TMEM178B: variants seen among roughly 807,000 people sequenced by gnomAD.
TMEM178B encodes the protein transmembrane protein 178B.
A neutral mutation model predicts 31.0 loss-of-function variants in TMEM178B; 5 were observed. That is an observed-to-expected ratio of 0.16 (90% CI 0.08 to 0.34). The LOEUF (loss-of-function observed/expected upper bound fraction) is 0.34. TMEM178B is among the 10% of genes least tolerant of loss of function. TMEM178B has a pLI of 1.00. For missense variants in TMEM178B, 275 were observed against 400.3 expected (o/e 0.69, Z 2.67); for synonymous variants, 164 against 164.0 (o/e 1.00, Z 0.00).
At chr7:141,082,984 T>G (rs957375963) in intron 1 of TMEM178B, among the ~76,000 whole-genome samples, 1 of 152,218 alleles carries the variant, frequency 6.6e-6, no homozygotes, top group Non-Finnish European at 1.5e-5. Context: ...TGTATTCCAC[T>G]TTGGATTGTC....
At chr7:141,254,542 A>T (rs1797893803) in intron 2 of TMEM178B, among the ~76,000 whole-genome samples, 1 of 151,968 alleles carries the variant, frequency 6.6e-6, no homozygotes, top group Non-Finnish European at 1.5e-5. Flanking sequence ...ACATGGTGAC[A>T]CCCCATCTCT....
intron 1 of TMEM178B, among the ~76,000 whole-genome samples, chr7:141,193,843 T>C (rs534169441): frequency 5.1e-4 from 77 of 152,326 alleles, no homozygotes; most frequent in African/African-American, 1.8e-3. Flanking sequence ...CTCAAAGTAC[T>C]TCTGTTTCCT....
At chr7:141,293,287 T>A (rs1246769672) in intron 2 of TMEM178B, among the ~76,000 whole-genome samples, 2 of 152,190 alleles carry the variant, frequency 1.3e-5, no homozygotes, top group East Asian at 3.9e-4. Context: ...GACCTGAGCA[T>A]CTTCCAGGTA....
intron 1 of TMEM178B, among the ~76,000 whole-genome samples, chr7:141,085,423 G>A (rs1294585314): frequency 6.6e-6 from 1 of 152,130 alleles, no homozygotes; most frequent in Non-Finnish European, 1.5e-5. Flanking sequence ...AAGTTTGACA[G>A]ATTTGCTGCT....
At chr7:141,345,029 A>G (rs1799594880) in intron 2 of TMEM178B, among the ~76,000 whole-genome samples, 1 of 152,242 alleles carries the variant, frequency 6.6e-6, no homozygotes, top group Admixed American at 6.5e-5. Context: ...ACTAGTCATA[A>G]TTAGCATGTC....
intron 3 of TMEM178B, among the ~76,000 whole-genome samples, chr7:141,464,203 G>A (rs1004129154): frequency 6.6e-6 from 1 of 152,156 alleles, no homozygotes; most frequent in Non-Finnish European, 1.5e-5. Context: ...ACCCCTTTCT[G>A]TTTACTGTCT....
chr7:141,301,190 G>A (rs1798718914), intron 2 of TMEM178B, among the ~76,000 whole-genome samples: 1 of 152,214 alleles, frequency 6.6e-6, no homozygotes, highest in African/African-American at 2.4e-5. Context: ...GTATTTGGAG[G>A]AAATTGGGAT....
intron 1 of TMEM178B, among the ~76,000 whole-genome samples, chr7:141,107,443 G>C (rs539302316): frequency 6.6e-6 from 1 of 152,194 alleles, no homozygotes; most frequent in Non-Finnish European, 1.5e-5. Flanking sequence ...ATGGTAGCAT[G>C]GGTCACAGTG....
chr7:141,155,217 A>G (rs951305083), intron 1 of TMEM178B, among the ~76,000 whole-genome samples: 1 of 152,136 alleles, frequency 6.6e-6, no homozygotes, highest in Non-Finnish European at 1.5e-5. Flanking sequence ...GAAGATTTAG[A>G]CAGAGAAGTA....
chr7:141,290,346 G>A (rs560210167), intron 2 of TMEM178B, among the ~76,000 whole-genome samples: 3 of 152,364 alleles, frequency 2.0e-5, no homozygotes, highest in African/African-American at 7.2e-5. Context: ...GGACAGAGAA[G>A]GAGGTGTGGC....
chr7:141,106,976 G>A (rs1795157888), intron 1 of TMEM178B, among the ~76,000 whole-genome samples: 1 of 152,196 alleles, frequency 6.6e-6, no homozygotes, highest in African/African-American at 2.4e-5. Context: ...TCAAGGTAAA[G>A]AACATGGGGA....
chr7:141,306,140 G>T (rs1055961336), intron 2 of TMEM178B, among the ~76,000 whole-genome samples: 1 of 152,128 alleles, frequency 6.6e-6, no homozygotes, highest in Non-Finnish European at 1.5e-5. Flanking sequence ...AGATTCCTTG[G>T]CTGCCGTTAA....
chr7:141,148,236 C>T (rs1249842041), intron 1 of TMEM178B, among the ~76,000 whole-genome samples: 2 of 152,180 alleles, frequency 1.3e-5, no homozygotes, highest in Non-Finnish European at 1.5e-5. Context: ...CTCTCTTTTA[C>T]AAGGACCTTT....
In TMEM178B at chr7:141,092,327, G is replaced by A. The variant is rs191524663; in HGVS notation, c.382+17635G>A. On this transcript the variant is annotated intron_variant, in intron 1 of 3. Coordinates refer to ENST00000565468, the MANE Select transcript of TMEM178B (RefSeq NM_001195278.2). ...GAAATAAAGTGATATAGATGGAAGT[G>A]GAGGGTAATGGAAACCTGCAGAAGA... Among the ~76,000 whole-genome samples the A allele has an allele frequency of 1.1e-4, 17 of 152,274 alleles. No homozygotes were observed. The East Asian group carries it at 3.3e-3, about 29-fold the overall frequency.
At chr7:141,500,341 G>C in the TMEM178B span, among the ~76,000 whole-genome samples, 1 of 152,178 alleles carries the variant, frequency 6.6e-6, no homozygotes, top group Non-Finnish European at 1.5e-5. Flanking sequence ...AATGGGAATG[G>C]ATGGGCAGGT....
At chr7:141,076,544 G>A (rs1794603174) in intron 1 of TMEM178B, among the ~76,000 whole-genome samples, 2 of 152,146 alleles carry the variant, frequency 1.3e-5, no homozygotes, top group Admixed American at 1.3e-4. Flanking sequence ...TCAGAGCTTT[G>A]ATTCCCTGTT....
At chr7:141,428,378 AAAAAAAG>A (rs1373508235) in intron 2 of TMEM178B, among the ~76,000 whole-genome samples, 5 of 141,782 alleles carry the variant, frequency 3.5e-5, no homozygotes, top group South Asian at 2.3e-4. Context: ...CAAAAAAAAA[AAAAAAAG>A]AAAAAAAGAA....
chr7:141,462,315 T>C (rs1188302380), intron 3 of TMEM178B, among the ~76,000 whole-genome samples: 1 of 152,200 alleles, frequency 6.6e-6, no homozygotes, highest in African/African-American at 2.4e-5. Context: ...TTTGGGCTTA[T>C]GGAGGTAGCA....
the TMEM178B span, among the ~76,000 whole-genome samples, chr7:141,490,963 G>T: frequency 6.6e-6 from 1 of 152,212 alleles, no homozygotes. Flanking sequence ...CAGCTGGTAT[G>T]TAGCAAACCT....
Sources: allele counts gnomAD v4.1 joint callset (sites outside exome capture counted in the v4.1 genomes callset), GRCh38; gene constraint gnomAD v4.1.1; transcripts MANE v1.5; gene names NCBI Gene and HGNC (gene_info 2026-07-23, HGNC 2026-07-21).